The following SHC3 variants were observed in gnomAD, a reference collection of about 807,000 sequenced individuals.
SHC3 encodes SHC-transforming protein 3.
SHC3 carries 15 observed loss-of-function variants against 60.4 expected under a neutral mutation model. That is an observed-to-expected ratio of 0.25 (90% CI 0.17 to 0.38). The LOEUF (loss-of-function observed/expected upper bound fraction) is 0.38. Ranked by LOEUF, SHC3 falls within the 10% of genes least tolerant of loss-of-function variation. The probability of loss-of-function intolerance (pLI) is 1.00; values close to 1 mark genes in which losing one functional copy is unlikely to be tolerated. For synonymous variants in SHC3, 294 were observed against 325.9 expected (o/e 0.90, Z 1.05); for missense variants, 677 against 786.1 (o/e 0.86, Z 1.66).
At chr9:89,162,924 G>C (rs1826731301) in intron 1 of SHC3, among the ~76,000 whole-genome samples, 2 of 137,884 alleles carry the variant, frequency 1.5e-5, no homozygotes, top group Non-Finnish European at 3.1e-5. Flanking sequence ...CCATCAAAAA[G>C]TGGGCGAAGG....
In SHC3 at chr9:89,046,991, C is replaced by A. The variant is rs144118142; in HGVS notation, c.966G>T (p.Met322Ile). 6.3e-7 allele frequency: 1 copy of A among 1,577,294 alleles called. No individual in the cohort carries two copies. Among genetic ancestry groups the A allele is most frequent in the Non-Finnish European group, 8.6e-7 (1 of 1,164,210 alleles). The change falls in exon 8 of 12, where the codon ATG becomes ATT. Residue 322 changes from methionine (M) to isoleucine (I), a missense_variant. Physicochemically the swap from Met to Ile is conservative, Grantham distance 10 (BLOSUM62 1). Transcript: ENST00000375835. Reference protein sequence around the residue: ...PTKIPALHDRMQSLDEPWTEE... With the variant: ...PTKIPALHDRIQSLDEPWTEE... The stretch of plus-strand genomic sequence containing the variant: ...CCGTCCATGGCTCATCCAGACTCTG[C>A]ATTCTGTTAAAGGAAGATTTCCAAG...
intron 10 of SHC3, among the ~76,000 whole-genome samples, chr9:89,040,156 T>TCAC: frequency 4.2e-5 from 1 of 23,620 alleles, no homozygotes; most frequent in Non-Finnish European, 9.3e-5. Context: ...ACCACCATCA[T>TCAC]CATCACCATC....
intron 3 of SHC3, among the ~76,000 whole-genome samples, chr9:89,076,077 CA>C (rs1265735520): frequency 6.6e-6 from 1 of 152,170 alleles, no homozygotes; most frequent in Non-Finnish European, 1.5e-5. Context: ...AGGCCCCACC[CA>C]TGAGATTCTG....
intron 1 of SHC3, among the ~76,000 whole-genome samples, chr9:89,147,745 C>T (rs1587753862): frequency 1.3e-5 from 2 of 152,026 alleles, no homozygotes; most frequent in South Asian, 4.2e-4. Flanking sequence ...TGCTGAAACT[C>T]AAAACAAAGG....
At chr9:89,043,820 T>A (rs985193607) in intron 9 of SHC3, among the ~76,000 whole-genome samples, 3 of 151,998 alleles carry the variant, frequency 2.0e-5, no homozygotes, top group Non-Finnish European at 4.4e-5. Context: ...GCACAGCTAA[T>A]TTTTTGTATT....
chr9:89,177,553 G>A (rs1046369243), intron 1 of SHC3, among the ~76,000 whole-genome samples: 6 of 152,212 alleles, frequency 3.9e-5, no homozygotes, highest in African/African-American at 1.4e-4. Context: ...TCCCGCCGGG[G>A]AAGACACAGC....
intron 2 of SHC3, among the ~76,000 whole-genome samples, chr9:89,078,364 T>G (rs778469735): frequency 6.6e-6 from 1 of 152,168 alleles, no homozygotes; most frequent in Non-Finnish European, 1.5e-5. Context: ...AAAAGAAACA[T>G]GGTCATCCCG....
intron 6 of SHC3, among the ~76,000 whole-genome samples, chr9:89,057,293 A>G (rs1203654939): frequency 1.3e-5 from 2 of 150,304 alleles, no homozygotes; most frequent in Non-Finnish European, 3.0e-5. Context: ...ATGCACTCTG[A>G]ATTGATCCAG....
intron 2 of SHC3, among the ~76,000 whole-genome samples, chr9:89,089,899 G>A (rs1026284046): frequency 4.6e-5 from 7 of 152,212 alleles, no homozygotes; most frequent in Non-Finnish European, 2.9e-5. Flanking sequence ...CTCAGGCAAG[G>A]CAGAGTGCGT....
intron 1 of SHC3, among the ~76,000 whole-genome samples, chr9:89,120,841 G>A (rs920280512): frequency 6.7e-6 from 1 of 149,774 alleles, no homozygotes; most frequent in African/African-American, 2.5e-5. Context: ...TACAATTCCG[G>A]AAAAAATTAA....
rs1220517672 is a variant in SHC3, at chr9:89,009,351, C to A, written c.*4096G>T. The A allele has an allele frequency of 1.3e-5, 2 of 152,194 alleles. No individual in the cohort carries two copies. The highest frequency in any genetic ancestry group is 2.9e-5 in the Non-Finnish European group (2 of 68,060). 9.4% of individuals were successfully genotyped at this position (152,194 alleles called of 1,614,324 possible). On this transcript the variant is annotated 3_prime_UTR_variant, in exon 12 of 12. Coordinates refer to ENST00000375835, the MANE Select transcript of SHC3 (RefSeq NM_016848.6). The stretch of plus-strand genomic sequence containing the variant: ...ATTACTCTGAAACCCACTGCAAGGT[C>A]TGTCTGAGTCCTGCAATGACCTCTT...
In SHC3 at chr9:89,178,242, G is replaced by C. The variant is rs1035857588; in HGVS notation, c.219C>G (p.His73Gln). 9.2e-6 allele frequency: 14 copies of C among 1,517,288 alleles called. No homozygotes were observed. Among genetic ancestry groups the C allele is most frequent in the Non-Finnish European group, 1.2e-5 (14 of 1,134,960 alleles). The allele number at this position is 1,517,288 out of a possible 1,614,324, so 94.0% of individuals were successfully genotyped here. ...SLGHLLHKVS[H>Q]LKLSSSGLRG... ...GGAGGCCCGAGCTGGAGAGTTTCAG[G>C]TGGGACACCTTGTGGAGCAGGTGGC... Residue 73 changes from histidine to glutamine, a missense_variant, in exon 1 of 12, where the codon CAC becomes CAG. Coordinates refer to ENST00000375835, the MANE Select transcript of SHC3 (RefSeq NM_016848.6). This position sits in a 1 kb window ranked among gnomAD's most constrained non-coding sequence, Gnocchi z 6.9.
At chr9:89,095,515 G>C (rs1825689175) in intron 2 of SHC3, among the ~76,000 whole-genome samples, 1 of 152,154 alleles carries the variant, frequency 6.6e-6, no homozygotes, top group Non-Finnish European at 1.5e-5. Context: ...AAAATGAAAA[G>C]TTCTGGAGAT....
At chr9:89,110,078 A>G (rs1825923893) in intron 2 of SHC3, 1 of 985,464 alleles carries the variant, frequency 1.0e-6, no homozygotes, top group African/African-American at 1.7e-5. Context: ...AAAAGAACAA[A>G]AAGGAAACAC....
chr9:89,105,450 C>T (rs943275436), intron 2 of SHC3, among the ~76,000 whole-genome samples: 1 of 152,180 alleles, frequency 6.6e-6, no homozygotes, highest in Non-Finnish European at 1.5e-5. Context: ...CTGAAATTAC[C>T]GTGCTGAACT....
At chr9:89,131,644 C>G (rs1036031212) in intron 1 of SHC3, among the ~76,000 whole-genome samples, 1 of 152,146 alleles carries the variant, frequency 6.6e-6, no homozygotes, top group Non-Finnish European at 1.5e-5. Flanking sequence ...ATAAACAGAA[C>G]CATAGACAAA....
rs1824614614 is a variant in SHC3 at position 89,038,146 on chromosome 9, T to G, written c.1503A>C (p.Gln501His). ...CTGCCTCCTTCCTGCTCATCTCTCC[T>G]TGGTACCAAGTCTCGGCTTGCAGTT... ...LEELQAETWY[Q>H]GEMSRKEAEG... The change falls in exon 11 of 12, where the codon CAA becomes CAC. Residue 501 changes from glutamine (Q) to histidine (H), a missense_variant. By Grantham distance (24) the Gln-to-His change is conservative (BLOSUM62 0). Coordinates refer to ENST00000375835, the MANE Select transcript of SHC3 (RefSeq NM_016848.6). 1 of 1,614,068 alleles carries G rather than the reference T, an allele frequency of 6.2e-7. No individual in the cohort carries two copies. The highest frequency in any genetic ancestry group is 8.5e-7 in the Non-Finnish European group (1 of 1,180,002).
intron 10 of SHC3, among the ~76,000 whole-genome samples, chr9:89,038,563 G>A (rs1025413707): frequency 6.6e-6 from 1 of 152,184 alleles, no homozygotes; most frequent in Non-Finnish European, 1.5e-5. Flanking sequence ...AAGGAGTCAA[G>A]CACACCCTTT....
intron 1 of SHC3, among the ~76,000 whole-genome samples, chr9:89,149,381 CA>C (rs1346972482): frequency 6.6e-6 from 1 of 152,118 alleles, no homozygotes; most frequent in Non-Finnish European, 1.5e-5. Flanking sequence ...TAAAATGCTT[CA>C]GAAATTACAT....
Sources: allele counts gnomAD v4.1 joint callset (sites outside exome capture counted in the v4.1 genomes callset), GRCh38; gene constraint gnomAD v4.1.1; non-coding constraint Gnocchi (gnomAD v3.1); transcripts MANE v1.5; gene names NCBI Gene and HGNC (gene_info 2026-07-23, HGNC 2026-07-21).